Variants in SNTB1 observed in about 807,000 individuals in gnomAD.
SNTB1 encodes the protein beta-1-syntrophin.
SNTB1 carries 36 observed loss-of-function variants against 48.9 expected under a neutral mutation model. That is an observed-to-expected ratio of 0.74 (90% CI 0.56 to 0.97). SNTB1 has a LOEUF of 0.97. Among genes scored for constraint, SNTB1 ranks in the 50% least tolerant of loss-of-function variants. The pLI is 0.00. For missense variants in SNTB1, 786 were observed against 703.4 expected (o/e 1.12, Z -1.33); for synonymous variants, 299 against 294.6 (o/e 1.01, Z -0.15).
Position 120,569,129 on chromosome 8 carries a change from C to T in SNTB1, c.1136+5957G>A, listed in dbSNP as rs888733005. On this transcript the variant is annotated intron_variant, in intron 4 of 6. Coordinates refer to ENST00000517992, the MANE Select transcript of SNTB1 (RefSeq NM_021021.4). ...CAGAGTAGCTGGGATGACAGGCACC[C>T]ACCACCATGCCTGGCTAATTTTTGT... 2.6e-5 allele frequency among the ~76,000 whole-genome samples: 4 copies of T among 152,268 alleles called. No individual in the cohort carries two copies. The South Asian group carries it at 8.3e-4, about 32-fold the overall frequency.
At chr8:120,665,795 A>G (rs1278374210) in intron 2 of SNTB1, among the ~76,000 whole-genome samples, 1 of 152,160 alleles carries the variant, frequency 6.6e-6, no homozygotes, top group Non-Finnish European at 1.5e-5. Context: ...TTCAATTTTT[A>G]TATTTTTATA....
chr8:120,656,597 G>A (rs73708922), intron 2 of SNTB1, among the ~76,000 whole-genome samples: 3,627 of 152,198 alleles, frequency 0.024, 158 homozygotes, highest in African/African-American at 0.082. Context: ...GCTATGCAGG[G>A]CAAATAAATG....
chr8:120,573,454 T>C (rs1343200825), intron 4 of SNTB1, among the ~76,000 whole-genome samples: 1 of 152,218 alleles, frequency 6.6e-6, no homozygotes, highest in East Asian at 1.9e-4. Flanking sequence ...AACCTTTAAT[T>C]AGATATGAGG....
At chr8:120,683,619 G>T (rs1343574999) in intron 2 of SNTB1, among the ~76,000 whole-genome samples, 1 of 152,112 alleles carries the variant, frequency 6.6e-6, no homozygotes, top group Non-Finnish European at 1.5e-5. Flanking sequence ...ACAAATAAAA[G>T]ATAGTTAAGG....
intron 2 of SNTB1, among the ~76,000 whole-genome samples, chr8:120,649,542 G>A (rs1400226020): frequency 1.9e-4 from 27 of 139,686 alleles, no homozygotes; most frequent in East Asian, 4.1e-4. Flanking sequence ...CTCCAGCTGC[G>A]TGCTGGGAGA....
chr8:120,584,123 T>C (rs193097613), intron 3 of SNTB1, among the ~76,000 whole-genome samples: 648 of 151,334 alleles, frequency 4.3e-3, no homozygotes, highest in Non-Finnish European at 7.5e-3. Context: ...CTGGCCAACA[T>C]GACAAAACGC....
At chr8:120,741,934 C>T (rs1819048015) in intron 1 of SNTB1, among the ~76,000 whole-genome samples, 1 of 152,224 alleles carries the variant, frequency 6.6e-6, no homozygotes, top group African/African-American at 2.4e-5. Context: ...AAGCCTTCAA[C>T]TCTATTCTCC....
At chr8:120,756,919 T>C (rs1819328047) in intron 1 of SNTB1, among the ~76,000 whole-genome samples, 2 of 152,340 alleles carry the variant, frequency 1.3e-5, no homozygotes, top group Non-Finnish European at 2.9e-5. Context: ...CACCTCTTCA[T>C]GCTGGCTTTG....
At chr8:120,758,147 A>C (rs1191744833) in intron 1 of SNTB1, among the ~76,000 whole-genome samples, 3 of 152,224 alleles carry the variant, frequency 2.0e-5, no homozygotes, top group African/African-American at 7.2e-5. Flanking sequence ...AAAAAGATGA[A>C]AAATTAATTA....
At chr8:120,723,296 TTA>T (rs1001571395) in intron 1 of SNTB1, among the ~76,000 whole-genome samples, 1 of 152,148 alleles carries the variant, frequency 6.6e-6, no homozygotes, top group Non-Finnish European at 1.5e-5. Flanking sequence ...ATATGACATA[TTA>T]TATATATATT....
chr8:120,749,171 C>A (rs977053799), intron 1 of SNTB1, among the ~76,000 whole-genome samples: 1 of 152,168 alleles, frequency 6.6e-6, no homozygotes, highest in Non-Finnish European at 1.5e-5. Context: ...AGACGTCCTT[C>A]AACAGATTAG....
intron 1 of SNTB1, among the ~76,000 whole-genome samples, chr8:120,725,912 A>G (rs1410981185): frequency 6.6e-6 from 1 of 152,214 alleles, no homozygotes; most frequent in Non-Finnish European, 1.5e-5. Context: ...TATCATTAGT[A>G]CTGATAATAA....
At chr8:120,615,336 A>G (rs1385151477) in intron 3 of SNTB1, among the ~76,000 whole-genome samples, 1 of 152,114 alleles carries the variant, frequency 6.6e-6, no homozygotes, top group Non-Finnish European at 1.5e-5. Flanking sequence ...GGATCCAACA[A>G]TATGTCTGAT....
intron 2 of SNTB1, among the ~76,000 whole-genome samples, chr8:120,648,620 TTG>T (rs1354740174): frequency 1.3e-5 from 2 of 152,084 alleles, no homozygotes; most frequent in East Asian, 3.9e-4. Flanking sequence ...CATTTCAACT[TTG>T]GTGAATCTGA....
At chr8:120,556,975 A>G (rs1815575519) in intron 4 of SNTB1, among the ~76,000 whole-genome samples, 1 of 152,216 alleles carries the variant, frequency 6.6e-6, no homozygotes, top group Non-Finnish European at 1.5e-5. Flanking sequence ...TAAGAACCCA[A>G]TACTTGAGTT....
At chr8:120,682,888 T>TA (rs1030349311) in intron 2 of SNTB1, among the ~76,000 whole-genome samples, 1 of 149,590 alleles carries the variant, frequency 6.7e-6, no homozygotes, top group African/African-American at 2.5e-5. Flanking sequence ...TAGTTTTTTT[T>TA]TTTTTTTTTT....
chr8:120,701,951 C>T (rs556721194), intron 1 of SNTB1, among the ~76,000 whole-genome samples: 1 of 152,212 alleles, frequency 6.6e-6, no homozygotes, highest in Non-Finnish European at 1.5e-5. Context: ...TCCACTCATT[C>T]AATGTGACCT....
chr8:120,722,380 T>G, intron 1 of SNTB1, among the ~76,000 whole-genome samples: 1 of 152,226 alleles, frequency 6.6e-6, no homozygotes, highest in Non-Finnish European at 1.5e-5. Flanking sequence ...AAAGTGTTCC[T>G]ATTTCTCCAC....
intron 3 of SNTB1, among the ~76,000 whole-genome samples, chr8:120,601,415 T>C (rs1470203119): frequency 6.6e-6 from 1 of 152,138 alleles, no homozygotes; most frequent in South Asian, 2.1e-4. Context: ...TAAACTGTGT[T>C]TTCCAAAAAA....
Sources: gnomAD v4.1 joint callset for allele counts (sites outside exome capture counted in the v4.1 genomes callset) on GRCh38, gnomAD v4.1.1 for gene constraint, MANE v1.5 for transcripts, NCBI Gene and HGNC (gene_info 2026-07-23, HGNC 2026-07-21) for gene names.